Variants in SEPTIN7 observed in about 807,000 individuals in gnomAD.
SEPTIN7 encodes the protein septin-7.
Under a neutral mutation model 63.3 loss-of-function variants are expected in SEPTIN7, and 10 were observed. The ratio of observed to expected loss-of-function variants is 0.16; its 90% CI spans 0.10 to 0.27. The LOEUF (loss-of-function observed/expected upper bound fraction) is 0.27. Among genes scored for constraint, SEPTIN7 ranks in the 10% least tolerant of loss-of-function variants. The pLI is 1.00. For missense variants in SEPTIN7, 310 were observed against 521.0 expected, an observed-to-expected ratio of 0.59 and a Z score of 3.94; for synonymous variants, 131 against 165.3, an observed-to-expected ratio of 0.79 and a Z score of 1.59.
intron 1 of SEPTIN7, among the ~76,000 whole-genome samples, chr7:35,809,023 CAAT>C (rs1260375784): frequency 6.6e-6 from 1 of 152,150 alleles, no homozygotes; most frequent in Non-Finnish European, 1.5e-5. Flanking sequence ...GTCATTATAT[CAAT>C]AATGTATTGA....
intron 3 of SEPTIN7, among the ~76,000 whole-genome samples, chr7:35,833,261 A>G (rs1326764065): frequency 6.6e-6 from 1 of 152,010 alleles, no homozygotes; most frequent in Non-Finnish European, 1.5e-5. Context: ...AGTATCATAT[A>G]AGCATTTAAC....
intron 13 of SEPTIN7, 92 bp from the exon 14 acceptor site, chr7:35,904,162 A>G (rs1788485679): frequency 3.4e-6 from 3 of 874,108 alleles, no homozygotes; most frequent in Non-Finnish European, 4.9e-6. Context: ...AAATCCCAAC[A>G]TTGTTGTAAT....
chr7:35,897,408 T>C (rs544532254), intron 11 of SEPTIN7, among the ~76,000 whole-genome samples: 8 of 152,300 alleles, frequency 5.3e-5, no homozygotes, highest in Non-Finnish European at 8.8e-5. Flanking sequence ...ATATTAGCCT[T>C]AACATAAAGC....
intron 3 of SEPTIN7, among the ~76,000 whole-genome samples, chr7:35,861,123 T>A (rs1316699386): frequency 1.3e-5 from 2 of 152,182 alleles, no homozygotes; most frequent in Non-Finnish European, 2.9e-5. Context: ...AATTTTCAAT[T>A]ATTGTATTTT....
chr7:35,870,431 A>G (rs1234377595), intron 4 of SEPTIN7, among the ~76,000 whole-genome samples: 1 of 152,192 alleles, frequency 6.6e-6, no homozygotes, highest in African/African-American at 2.4e-5. Flanking sequence ...TTGGGAGATG[A>G]TTCATGTAGA....
the SEPTIN7 span, among the ~76,000 whole-genome samples, chr7:35,914,800 C>A: frequency 1.3e-5 from 2 of 151,738 alleles, no homozygotes; most frequent in East Asian, 1.9e-4. Context: ...CATTCTCTCT[C>A]TATATATGCA....
Position 35,801,255 on chromosome 7 carries a change from A to C in SEPTIN7, c.46A>C (p.Asn16His). 1.3e-6 allele frequency: 2 copies of C among 1,529,424 alleles called. No individual in the cohort carries two copies. Among genetic ancestry groups the C allele is most frequent in the Non-Finnish European group, 1.8e-6 (2 of 1,140,520 alleles). The allele number at this position is 1,529,424 out of a possible 1,614,324, so 94.7% of individuals were successfully genotyped here. The change falls in exon 1 of 14, where the codon AAC becomes CAC. Residue 16 changes from asparagine (N) to histidine (H), a missense_variant. Physicochemically the swap from Asn to His is moderately conservative, Grantham distance 68. This residue lies in a region of SEPTIN7 where 55 missense variants were observed against 30.5 expected (regional missense o/e 1.80). Coordinates refer to ENST00000350320, the MANE Select transcript of SEPTIN7 (RefSeq NM_001788.6). ...CGCTGCTGCTGAGGAGAGGAGCGTC[A>C]ACAGCAGCACCATGGGTGAGTCTCA... ...RSAAAEERSVNSSTMVAQQKN... is the reference protein window; with the variant it reads ...RSAAAEERSVHSSTMVAQQKN...
chr7:35,804,133 T>C (rs1407358116), intron 1 of SEPTIN7, among the ~76,000 whole-genome samples: 1 of 152,178 alleles, frequency 6.6e-6, no homozygotes, highest in African/African-American at 2.4e-5. Flanking sequence ...TAAGTCCGTG[T>C]GGCTTTTTCT....
intron 1 of SEPTIN7, among the ~76,000 whole-genome samples, chr7:35,827,585 G>C (rs1420495802): frequency 6.6e-6 from 1 of 152,160 alleles, no homozygotes; most frequent in African/African-American, 2.4e-5. Flanking sequence ...TTGCCTCCCA[G>C]GTTCAAGTGA....
At chr7:35,874,503 GTA>G (rs1156801128) in intron 6 of SEPTIN7, among the ~76,000 whole-genome samples, 1 of 152,018 alleles carries the variant, frequency 6.6e-6, no homozygotes, top group Non-Finnish European at 1.5e-5. Flanking sequence ...AAGTAACTCA[GTA>G]TATATAATTC....
At chr7:35,855,128 G>A (rs922530370) in intron 3 of SEPTIN7, among the ~76,000 whole-genome samples, 1 of 151,878 alleles carries the variant, frequency 6.6e-6, no homozygotes, top group Non-Finnish European at 1.5e-5. Context: ...GCATTCCTAC[G>A]TCAATTTTTT....
chr7:35,862,253 T>C (rs1785548567), intron 3 of SEPTIN7, among the ~76,000 whole-genome samples: 1 of 152,048 alleles, frequency 6.6e-6, no homozygotes, highest in Non-Finnish European at 1.5e-5. Context: ...TTTCCCTTTG[T>C]CCTCTGTCAT....
chr7:35,888,925 C>A, intron 10 of SEPTIN7: 1 of 286,832 alleles, frequency 3.5e-6, no homozygotes, highest in Non-Finnish European at 7.2e-6. Context: ...GAAACTGGTT[C>A]CAAAAAGTGT....
chr7:35,831,840 G>A (rs1783847613), intron 2 of SEPTIN7: 7 of 274,574 alleles, frequency 2.5e-5, no homozygotes, highest in South Asian at 2.3e-4. Flanking sequence ...AAATCCAAAT[G>A]TATTGAATTG....
intron 1 of SEPTIN7, among the ~76,000 whole-genome samples, chr7:35,825,512 C>T (rs1370472044): frequency 6.6e-6 from 1 of 152,050 alleles, no homozygotes; most frequent in Non-Finnish European, 1.5e-5. Flanking sequence ...GGATCTGATC[C>T]CAGGATAGGA....
At position 35,882,602 on chromosome 7, in the gene SEPTIN7, A is replaced by G. The variant is rs556860778; in HGVS notation, c.723+26A>G. On this transcript the variant is annotated intron_variant, in intron 8 of 13. Coordinates refer to ENST00000350320, the MANE Select transcript of SEPTIN7 (RefSeq NM_001788.6). ...GTAGGTTCATCCCTGTACACACGCT[A>G]AAGTAATCTGAGGCCTTAAAAACAT... is the stretch of plus-strand genomic sequence containing the variant. 66 of 1,337,448 alleles carry G rather than the reference A, an allele frequency of 4.9e-5. No individual in the cohort carries two copies. The East Asian group carries it at 1.7e-3, about 35-fold the overall frequency. 82.8% of individuals were successfully genotyped at this position (1,337,448 alleles called of 1,614,324 possible). A position where few individuals can be genotyped will look rare whatever the true frequency, so the allele number is the denominator to read the frequency against.
the SEPTIN7 span, among the ~76,000 whole-genome samples, chr7:35,913,800 G>A: frequency 1.3e-5 from 2 of 152,068 alleles, no homozygotes; most frequent in Non-Finnish European, 2.9e-5. Context: ...ACATTGCCTA[G>A]TCCAGTCTCA....
intron 1 of SEPTIN7, among the ~76,000 whole-genome samples, chr7:35,822,952 A>G (rs1783301628): frequency 1.3e-5 from 2 of 152,182 alleles, no homozygotes; most frequent in African/African-American, 2.4e-5. Context: ...TTTTTGGCCC[A>G]TGTGTAAGAC....
chr7:35,832,472 T>C (rs1185850848), intron 2 of SEPTIN7, among the ~76,000 whole-genome samples: 3 of 152,066 alleles, frequency 2.0e-5, no homozygotes, highest in Non-Finnish European at 4.4e-5. Flanking sequence ...AAGAATCCTT[T>C]GTTATTTTGC....
Sources: gnomAD v4.1 joint callset for allele counts (sites outside exome capture counted in the v4.1 genomes callset) on GRCh38, gnomAD v4.1.1 for gene constraint, gnomAD v4.1.1 regional missense constraint, MANE v1.5 for transcripts, NCBI Gene and HGNC (gene_info 2026-07-23, HGNC 2026-07-21) for gene names.